The following FHIT variants were observed in gnomAD, a reference collection of about 807,000 sequenced individuals.
The protein encoded by FHIT is fragile histidine triad diadenosine triphosphatase.
In FHIT, 19 loss-of-function variants were observed where a neutral mutation model predicts 17.9. That is an observed-to-expected ratio of 1.06 (90% CI 0.74 to 1.56). The LOEUF is 1.56. Ranked by LOEUF, FHIT falls within the 40% of genes most tolerant of loss-of-function variation. FHIT has a pLI of 0.00. For synonymous variants in FHIT, 81 were observed against 69.7 expected (o/e 1.16, Z -0.81); for missense variants, 248 against 189.2 (o/e 1.31, Z -1.82).
intron 4 of FHIT, among the ~76,000 whole-genome samples, chr3:60,666,283 G>A (rs1361135646): frequency 1.3e-5 from 2 of 152,088 alleles, no homozygotes; most frequent in African/African-American, 4.8e-5. Context: ...GAGTAGGTCT[G>A]CTAGCAACAA....
chr3:60,554,674 T>G (rs1206631952), intron 4 of FHIT, among the ~76,000 whole-genome samples: 1 of 152,180 alleles, frequency 6.6e-6, no homozygotes, highest in African/African-American at 2.4e-5. Context: ...TCTCACATAT[T>G]ATTTTAAAAA....
At chr3:60,103,992 C>G (rs898178718) in intron 5 of FHIT, among the ~76,000 whole-genome samples, 18 of 152,252 alleles carry the variant, frequency 1.2e-4, no homozygotes, top group African/African-American at 4.3e-4. Flanking sequence ...TTCCTATGCT[C>G]CTATCAGATA....
intron 5 of FHIT, among the ~76,000 whole-genome samples, chr3:60,160,056 G>C (rs906389678): frequency 3.9e-5 from 6 of 151,990 alleles, no homozygotes; most frequent in Non-Finnish European, 7.4e-5. Flanking sequence ...GAAATCTTTC[G>C]GGGCAAATTT....
chr3:61,219,666 A>G (rs1390216236), intron 1 of FHIT, among the ~76,000 whole-genome samples: 1 of 152,136 alleles, frequency 6.6e-6, no homozygotes, highest in Non-Finnish European at 1.5e-5. Flanking sequence ...ATTAAATTTA[A>G]ATGAATCCAA....
intron 5 of FHIT, among the ~76,000 whole-genome samples, chr3:60,279,938 A>G (rs544719053): frequency 6.6e-6 from 1 of 151,150 alleles, no homozygotes; most frequent in South Asian, 2.1e-4. Context: ...AGGCTGAGGC[A>G]GGAGAATGGC....
intron 5 of FHIT, among the ~76,000 whole-genome samples, chr3:60,367,896 A>G (rs1489018278): frequency 6.6e-6 from 1 of 152,190 alleles, no homozygotes; most frequent in African/African-American, 2.4e-5. Context: ...CTTTAAATCA[A>G]TATAAAGTAT....
At chr3:60,624,618 A>G (rs2039229642) in intron 4 of FHIT, among the ~76,000 whole-genome samples, 1 of 152,206 alleles carries the variant, frequency 6.6e-6, no homozygotes, top group Non-Finnish European at 1.5e-5. Context: ...GGATAAAGGC[A>G]GAATAAAAAC....
chr3:60,198,745 T>G (rs1314960360), intron 5 of FHIT, among the ~76,000 whole-genome samples: 1 of 152,168 alleles, frequency 6.6e-6, no homozygotes, highest in Admixed American at 6.5e-5. Context: ...AGTTTCAATT[T>G]CTCAATCTCT....
At chr3:60,419,066 C>T (rs756548236) in intron 5 of FHIT, among the ~76,000 whole-genome samples, 7 of 152,138 alleles carry the variant, frequency 4.6e-5, no homozygotes, top group Non-Finnish European at 8.8e-5. Context: ...TCCCTTCTAC[C>T]CAGTAACAGC....
chr3:60,811,555 C>A (rs1252305515), intron 4 of FHIT, among the ~76,000 whole-genome samples: 7 of 152,082 alleles, frequency 4.6e-5, no homozygotes, highest in Admixed American at 1.3e-4. Context: ...TGTTAGTAAC[C>A]TTACTTAAAA....
intron 2 of FHIT, among the ~76,000 whole-genome samples, chr3:61,076,442 G>A (rs2034974074): frequency 6.6e-6 from 1 of 152,132 alleles, no homozygotes; most frequent in Non-Finnish European, 1.5e-5. Flanking sequence ...TCCATGACAT[G>A]TCTCTTGAGG....
At chr3:60,143,667 T>G (rs1700125586) in intron 5 of FHIT, among the ~76,000 whole-genome samples, 2 of 152,124 alleles carry the variant, frequency 1.3e-5, no homozygotes, top group Non-Finnish European at 2.9e-5. Flanking sequence ...TAAAGCAGTA[T>G]TTCTATTGCC....
chr3:60,173,915 A>ATATATATATATATATATATTTTTTTTTT, intron 5 of FHIT, among the ~76,000 whole-genome samples: 26 of 66,416 alleles, frequency 3.9e-4, no homozygotes, highest in Non-Finnish European at 6.4e-4. Flanking sequence ...ATATATATAT[A>ATATATATATATATATATATTTTTTTTTT]TGTTTTTTTT....
intron 7 of FHIT, among the ~76,000 whole-genome samples, chr3:59,925,980 CTGT>C (rs2107207119): frequency 6.6e-6 from 1 of 152,354 alleles, no homozygotes; most frequent in South Asian, 2.1e-4. Context: ...TCATATTAAG[CTGT>C]GGTGATCACA....
chr3:60,002,929 A>G (rs1276879110), intron 7 of FHIT, among the ~76,000 whole-genome samples: 2 of 152,162 alleles, frequency 1.3e-5, no homozygotes, highest in Non-Finnish European at 2.9e-5. Context: ...ATCAGAATCA[A>G]CTGTGGACCT....
intron 8 of FHIT, among the ~76,000 whole-genome samples, chr3:59,823,474 A>G (rs1292526303): frequency 2.0e-5 from 3 of 152,172 alleles, no homozygotes; most frequent in Middle Eastern, 3.2e-3. Flanking sequence ...ACTGAATCCA[A>G]CAGCACATCA....
At chr3:60,677,726 G>A (rs2040656879) in intron 4 of FHIT, among the ~76,000 whole-genome samples, 1 of 152,082 alleles carries the variant, frequency 6.6e-6, no homozygotes, top group African/African-American at 2.4e-5. Context: ...TTTTGGAAGA[G>A]TTTCAGTAGG....
At chr3:61,182,446 CCCA>C (rs1351199546) in intron 2 of FHIT, among the ~76,000 whole-genome samples, 1 of 151,972 alleles carries the variant, frequency 6.6e-6, no homozygotes, top group Non-Finnish European at 1.5e-5. Flanking sequence ...ATTTTATATC[CCCA>C]CTGTAAATAT....
At chr3:60,845,838 A>C (rs1553746283) in intron 3 of FHIT, among the ~76,000 whole-genome samples, 1 of 152,202 alleles carries the variant, frequency 6.6e-6, no homozygotes, top group Non-Finnish European at 1.5e-5. Context: ...AGTAATTAAT[A>C]AATTTATATG....
Sources: allele counts gnomAD v4.1 joint callset (sites outside exome capture counted in the v4.1 genomes callset), GRCh38; gene constraint gnomAD v4.1.1; transcripts MANE v1.5; gene names NCBI Gene and HGNC (gene_info 2026-07-23, HGNC 2026-07-21).